Variants in INIP observed in about 807,000 individuals in gnomAD.
INIP encodes INTS3 and NABP interacting protein.
Under a neutral mutation model 14.0 loss-of-function variants are expected in INIP, and 9 were observed. That is an observed-to-expected ratio of 0.64 (90% CI 0.39 to 1.12). INIP has a LOEUF of 1.12. Among genes scored for constraint, INIP ranks in the 50% most tolerant of loss-of-function variants. INIP has a pLI of 0.01. For missense variants in INIP, 78 were observed against 122.7 expected (o/e 0.64, Z 1.72); for synonymous variants, 37 against 41.5 (o/e 0.89, Z 0.41).
At chr9:112,698,303 CAAAAAAAAAAAAA>C (rs755265359) in intron 2 of INIP, among the ~76,000 whole-genome samples, 112 of 43,680 alleles carry the variant, frequency 2.6e-3, no homozygotes, top group African/African-American at 9.7e-3. Flanking sequence ...GACTCTGTCT[CAAAAAAAAAAAAA>C]AAAAAAAAAA....
chr9:112,698,196 C>T (rs918251236), intron 2 of INIP, among the ~76,000 whole-genome samples: 2 of 144,610 alleles, frequency 1.4e-5, no homozygotes, highest in Non-Finnish European at 3.0e-5. Flanking sequence ...CCCAGCTAGT[C>T]GGGAGACTGA....
At chr9:112,688,916 G>C (rs1837779832) in intron 4 of INIP, among the ~76,000 whole-genome samples, 1 of 151,980 alleles carries the variant, frequency 6.6e-6, no homozygotes, top group Non-Finnish European at 1.5e-5. Context: ...GGATTCTAAG[G>C]TTTAAAAATA....
chr9:112,715,642 G>A (rs1411901472), intron 2 of INIP, among the ~76,000 whole-genome samples: 2 of 151,888 alleles, frequency 1.3e-5, no homozygotes, highest in African/African-American at 2.4e-5. Context: ...GCGTGATGGC[G>A]TGTGCCTGTA....
chr9:112,706,199 T>C (rs1429136196), intron 2 of INIP, among the ~76,000 whole-genome samples: 1 of 152,174 alleles, frequency 6.6e-6, no homozygotes, highest in Non-Finnish European at 1.5e-5. Flanking sequence ...TGTCAGGCAA[T>C]AACAAACATT....
At chr9:112,693,026 C>T (rs1837948717) in intron 3 of INIP, among the ~76,000 whole-genome samples, 1 of 103,274 alleles carries the variant, frequency 9.7e-6, no homozygotes, top group Admixed American at 9.3e-5. Context: ...TAGACCCTGT[C>T]TCAAAAAAAA....
chr9:112,706,361 G>A (rs1156236457), intron 2 of INIP, among the ~76,000 whole-genome samples: 4 of 152,142 alleles, frequency 2.6e-5, no homozygotes, highest in East Asian at 1.9e-4. Context: ...CGATCCTCCT[G>A]CCTCAGCCTC....
intron 2 of INIP, among the ~76,000 whole-genome samples, chr9:112,694,691 GA>G (rs35095401): frequency 7.3e-4 from 111 of 152,174 alleles, no homozygotes; most frequent in African/African-American, 2.6e-3. Flanking sequence ...TTCATGGGGG[GA>G]AAAAGCAGTA....
At chr9:112,713,342 G>T (rs1213349722) in intron 2 of INIP, among the ~76,000 whole-genome samples, 1 of 152,164 alleles carries the variant, frequency 6.6e-6, no homozygotes, top group Admixed American at 6.5e-5. Context: ...TTGCTGGAGA[G>T]AATATAAAAC....
At position 112,684,388 on chromosome 9, in the gene INIP, T is replaced by TA. The variant is rs777606686; in HGVS notation, c.*3149dup. ...AGCAAGATGCTGTCTCTACAAAAAT[T>TA]AAAAAAAAAAAAAAATTAGCTGGGC... On this transcript the variant is annotated 3_prime_UTR_variant, in exon 5 of 5. Transcript: ENST00000374242. 1,736 of 140,544 alleles carry TA rather than the reference T, an allele frequency of 0.012. 15 individuals carry two copies. The highest frequency in any genetic ancestry group is 0.018 in the Middle Eastern group (5 of 278). The allele number at this position is 140,544 out of a possible 1,614,324, so 8.7% of individuals were successfully genotyped here.
chr9:112,698,795 C>A (rs1010832764), intron 2 of INIP, among the ~76,000 whole-genome samples: 7 of 152,126 alleles, frequency 4.6e-5, no homozygotes, highest in Non-Finnish European at 1.0e-4. Flanking sequence ...TCTTAAGGAG[C>A]AGAAAAATGG....
rs1231515125 is a variant in INIP at position 112,687,066 on chromosome 9, G to A, written c.*472C>T. 3 of 152,598 alleles carry A rather than the reference G, an allele frequency of 2.0e-5. No individual in the cohort carries two copies. Among genetic ancestry groups the A allele is most frequent in the Admixed American group, 2.0e-4 (3 of 15,296 alleles). The allele number at this position is 152,598 out of a possible 1,614,324, so 9.5% of individuals were successfully genotyped here. On this transcript the variant is annotated 3_prime_UTR_variant, in exon 5 of 5. Transcript: ENST00000374242. ...AGAATATTTCAGGATGATACATGTTGACTATAAACGCAAAAGGTATACTGA... is the reference window on the plus strand; with the variant it reads ...AGAATATTTCAGGATGATACATGTTAACTATAAACGCAAAAGGTATACTGA...
chr9:112,694,657 T>G (rs372821704), intron 2 of INIP, among the ~76,000 whole-genome samples: 81 of 152,340 alleles, frequency 5.3e-4, no homozygotes, highest in African/African-American at 1.7e-3. Context: ...GTCTTCTATT[T>G]GAAGCCTCTT....
At position 112,694,132 on chromosome 9, in the gene INIP, T is replaced by A; in HGVS notation, c.127A>T (p.Ser43Cys). 1.3e-6 allele frequency: 2 copies of A among 1,576,826 alleles called. No homozygotes were observed. The highest frequency in any genetic ancestry group is 1.7e-6 in the Non-Finnish European group (2 of 1,152,746). ...NQSSTNHPGA[S>C]IALSRPSLNK... Reference sequence around the variant, plus strand: ...AAACCCACATTATAGTGTCAATACCTAGCTCCAGGATGATTTGTTGAAGAC... The same window carrying A: ...AAACCCACATTATAGTGTCAATACCAAGCTCCAGGATGATTTGTTGAAGAC... The change falls in exon 3 of 5, where the codon AGC (serine) becomes TGC (cysteine). Residue 43 changes from serine (S) to cysteine (C), a missense_variant and splice_region_variant. Physicochemically the swap from Ser to Cys is moderately radical, Grantham distance 112 (BLOSUM62 -1). Coordinates refer to ENST00000374242, the MANE Select transcript of INIP (RefSeq NM_021218.3).
At chr9:112,704,879 G>A (rs1365877763) in intron 2 of INIP, among the ~76,000 whole-genome samples, 2 of 152,018 alleles carry the variant, frequency 1.3e-5, no homozygotes, top group African/African-American at 2.4e-5. Flanking sequence ...GGAGGCCAAG[G>A]CAGGAGGTTC....
In INIP at chr9:112,686,980, G is replaced by C. The variant is rs1449044000; in HGVS notation, c.*558C>G. ...TATAAAAGATGGTTAAGACTGGTTA[G>C]TAATTTATTCTTGAGGTTTGTTTTA... On this transcript the variant is annotated 3_prime_UTR_variant, in exon 5 of 5. Transcript: ENST00000374242. 2 of 152,274 alleles carry C rather than the reference G, an allele frequency of 1.3e-5. No homozygotes were observed. Among genetic ancestry groups the C allele is most frequent in the Non-Finnish European group, 2.9e-5 (2 of 68,102 alleles). 9.4% of individuals were successfully genotyped at this position (152,274 alleles called of 1,614,324 possible). A position where few individuals can be genotyped will look rare whatever the true frequency, so the allele number is the denominator to read the frequency against.
intron 2 of INIP, among the ~76,000 whole-genome samples, chr9:112,709,672 T>C (rs1401882152): frequency 6.6e-6 from 1 of 152,218 alleles, no homozygotes; most frequent in Admixed American, 6.5e-5. Flanking sequence ...ATTCCTGTCA[T>C]CCCACATTGA....
chr9:112,697,860 G>A (rs1588078387), intron 2 of INIP, among the ~76,000 whole-genome samples: 2 of 152,216 alleles, frequency 1.3e-5, no homozygotes, highest in South Asian at 4.1e-4. Flanking sequence ...AAATACTAAA[G>A]TTTGAATCAA....
rs549461835 is a variant in INIP, at chr9:112,686,113, T to G, written c.*1425A>C. On this transcript the variant is annotated 3_prime_UTR_variant, in exon 5 of 5. Transcript: ENST00000374242. ...ACGCTACCACCAGAGAGGATGGGACTCAAGGCCAAGATAAGGTCAGTTACA... is the reference window on the plus strand; with the variant it reads ...ACGCTACCACCAGAGAGGATGGGACGCAAGGCCAAGATAAGGTCAGTTACA... 7 of 152,234 alleles carry G rather than the reference T, an allele frequency of 4.6e-5. No homozygotes were observed. The highest frequency in any genetic ancestry group is 1.4e-4 in the African/African-American group (6 of 41,540). The allele number at this position is 152,234 out of a possible 1,614,324, so 9.4% of individuals were successfully genotyped here.
chr9:112,696,844 G>T (rs1302334509), intron 2 of INIP, among the ~76,000 whole-genome samples: 1 of 152,188 alleles, frequency 6.6e-6, no homozygotes, highest in Admixed American at 6.5e-5. Flanking sequence ...ATCGGGCCAG[G>T]CACGTGGGAA....
Sources: gnomAD v4.1 joint callset for allele counts (sites outside exome capture counted in the v4.1 genomes callset) on GRCh38, gnomAD v4.1.1 for gene constraint, MANE v1.5 for transcripts, NCBI Gene and HGNC (gene_info 2026-07-23, HGNC 2026-07-21) for gene names.